The following EXT2 variants were observed in gnomAD, a reference collection of about 807,000 sequenced individuals.
EXT2 encodes the protein exostosin-2.
A neutral mutation model predicts 81.6 loss-of-function variants in EXT2; 53 were observed. The ratio of observed to expected loss-of-function variants is 0.65; its 90% CI spans 0.52 to 0.82. The LOEUF (loss-of-function observed/expected upper bound fraction) is 0.82. EXT2 is among the 40% of genes least tolerant of loss of function. EXT2 has a pLI of 0.00. For synonymous variants in EXT2, 320 were observed against 340.0 expected, an observed-to-expected ratio of 0.94 and a Z score of 0.65; for missense variants, 774 against 910.2, an observed-to-expected ratio of 0.85 and a Z score of 1.93.
chr11:44,167,938 A>G (rs888381554), intron 7 of EXT2, among the ~76,000 whole-genome samples: 1 of 151,568 alleles, frequency 6.6e-6, no homozygotes, highest in Non-Finnish European at 1.5e-5. Flanking sequence ...AGCATTAGGT[A>G]TATCTCCCAA....
chr11:44,140,174 G>T (rs535485269), intron 7 of EXT2, among the ~76,000 whole-genome samples: 4 of 152,204 alleles, frequency 2.6e-5, no homozygotes, highest in African/African-American at 9.6e-5. Context: ...GAAGGGTTAG[G>T]GTGGCCAGGT....
intron 5 of EXT2, among the ~76,000 whole-genome samples, chr11:44,125,725 G>A (rs930507420): frequency 4.6e-5 from 7 of 151,678 alleles, no homozygotes; most frequent in Admixed American, 3.9e-4. Flanking sequence ...TACTGGGATT[G>A]TAAAAATACA....
intron 8 of EXT2, among the ~76,000 whole-genome samples, chr11:44,193,048 T>C (rs1160015818): frequency 6.6e-6 from 1 of 152,232 alleles, no homozygotes; most frequent in African/African-American, 2.4e-5. Context: ...GTGGGTGTTC[T>C]GGCTCCTGCC....
intron 7 of EXT2, among the ~76,000 whole-genome samples, chr11:44,146,584 T>G (rs904375591): frequency 1.3e-5 from 2 of 152,202 alleles, no homozygotes; most frequent in Admixed American, 6.5e-5. Flanking sequence ...AACCGGCCTG[T>G]TGGGCTCAAC....
At chr11:44,140,797 A>G (rs552652802) in intron 7 of EXT2, among the ~76,000 whole-genome samples, 1 of 152,222 alleles carries the variant, frequency 6.6e-6, no homozygotes, top group African/African-American at 2.4e-5. Context: ...ATGGGCATAT[A>G]TATTTCTAAC....
At chr11:44,130,674 A>C (rs1954479756) in intron 7 of EXT2, among the ~76,000 whole-genome samples, 1 of 152,132 alleles carries the variant, frequency 6.6e-6, no homozygotes, top group African/African-American at 2.4e-5. Context: ...CTCATACTCC[A>C]CTTGATGTCC....
At chr11:44,207,600 G>A (rs554637311) in intron 10 of EXT2, among the ~76,000 whole-genome samples, 7 of 152,270 alleles carry the variant, frequency 4.6e-5, no homozygotes, top group South Asian at 2.1e-4. Flanking sequence ...GACAACAGGC[G>A]GAGGCCTGCG....
At chr11:44,118,203 CT>C (rs1337835600) in intron 4 of EXT2, among the ~76,000 whole-genome samples, 5 of 152,154 alleles carry the variant, frequency 3.3e-5, no homozygotes, top group South Asian at 2.1e-4. Context: ...GAGATTGCAT[CT>C]TTAAGGTGAA....
intron 7 of EXT2, among the ~76,000 whole-genome samples, chr11:44,147,915 A>G (rs1954742890): frequency 6.6e-6 from 1 of 151,838 alleles, no homozygotes; most frequent in Non-Finnish European, 1.5e-5. Context: ...CCCTATATTC[A>G]AGGAAGTAAC....
intron 9 of EXT2, 113 bp downstream of exon 9, chr11:44,198,131 G>C: frequency 2.8e-6 from 3 of 1,069,420 alleles, no homozygotes; most frequent in Non-Finnish European, 4.2e-6. Context: ...CCATTTCTGA[G>C]ACAGCATGCC....
At chr11:44,234,030 C>T in intron 11 of EXT2, 85 bp from the exon 12 acceptor site, 1 of 1,587,876 alleles carries the variant, frequency 6.3e-7, no homozygotes, top group South Asian at 1.1e-5. Context: ...AGCTTGTCCC[C>T]ATGCCTTGGC....
At chr11:44,147,775 C>CTTTTTTTTTTTTT (rs66961451) in intron 7 of EXT2, among the ~76,000 whole-genome samples, 3 of 103,370 alleles carry the variant, frequency 2.9e-5, no homozygotes, top group African/African-American at 1.2e-4. Flanking sequence ...TCCACATTGT[C>CTTTTTTTTTTTTT]TTTTTTTTTT....
At chr11:44,184,658 G>A (rs1045056060) in intron 8 of EXT2, among the ~76,000 whole-genome samples, 3 of 152,198 alleles carry the variant, frequency 2.0e-5, no homozygotes, top group African/African-American at 7.2e-5. Flanking sequence ...GGCTGAGGCA[G>A]GAGAATGGCA....
intron 1 of EXT2, chr11:44,104,927 A>G (rs1208237765): frequency 6.6e-6 from 1 of 152,252 alleles, no homozygotes; most frequent in Non-Finnish European, 1.5e-5. Context: ...TATATACTCC[A>G]AAGATGATAA....
At chr11:44,232,531 TGA>T in intron 11 of EXT2, 35 bp downstream of exon 11, 1 of 1,612,358 alleles carries the variant, frequency 6.2e-7, no homozygotes, top group Non-Finnish European at 8.5e-7. Context: ...GTGACAAAAC[TGA>T]GAGAATGATA....
rs76985250 is a variant in EXT2, at chr11:44,223,520, A to G, written c.1663-8833A>G. On this transcript the variant is annotated intron_variant, in intron 10 of 13. Coordinates refer to ENST00000533608, the MANE Select transcript of EXT2 (RefSeq NM_207122.2). ...CCAGGGAATTATGCTGAGTGAAAAA[A>G]GCCAGTCCAAAAAGGTCACATACTG... Among the ~76,000 whole-genome samples, 845 of 152,322 alleles carry G rather than the reference A, an allele frequency of 5.5e-3. 14 individuals are homozygous for G. Among genetic ancestry groups the G allele is most frequent in the African/African-American group, 0.019 (800 of 41,560 alleles).
At chr11:44,138,054 C>T (rs1954595311) in intron 7 of EXT2, among the ~76,000 whole-genome samples, 1 of 152,116 alleles carries the variant, frequency 6.6e-6, no homozygotes, top group African/African-American at 2.4e-5. Context: ...TGGGTAGCCT[C>T]AGATAGAGAG....
chr11:44,193,311 T>C (rs1248608258), intron 8 of EXT2, among the ~76,000 whole-genome samples: 1 of 152,216 alleles, frequency 6.6e-6, no homozygotes, highest in East Asian at 1.9e-4. Context: ...TATCCACTTT[T>C]GAGACACATG....
At chr11:44,185,879 G>A (rs1447747974) in intron 8 of EXT2, among the ~76,000 whole-genome samples, 2 of 152,202 alleles carry the variant, frequency 1.3e-5, no homozygotes, top group African/African-American at 4.8e-5. Context: ...CAGAGAATGA[G>A]CTACTCTTTC....
Sources: gnomAD v4.1 joint callset for allele counts (sites outside exome capture counted in the v4.1 genomes callset) on GRCh38, gnomAD v4.1.1 for gene constraint, MANE v1.5 for transcripts, NCBI Gene and HGNC (gene_info 2026-07-23, HGNC 2026-07-21) for gene names.